The following TMPRSS11E variants were observed in gnomAD, a reference collection of about 807,000 sequenced individuals.
TMPRSS11E encodes transmembrane protease serine 11E.
A neutral mutation model predicts 48.1 loss-of-function variants in TMPRSS11E; 38 were observed. The observed-to-expected ratio is 0.79, with a 90% CI of 0.61 to 1.04. The LOEUF (loss-of-function observed/expected upper bound fraction) is 1.04. Ranked by LOEUF, TMPRSS11E falls within the 50% of genes least tolerant of loss-of-function variation. The pLI, the probability that TMPRSS11E is intolerant of heterozygous loss-of-function variation, is 0.00. For synonymous variants in TMPRSS11E, 158 were observed against 171.9 expected (o/e 0.92, Z 0.63); for missense variants, 530 against 510.8 (o/e 1.04, Z -0.36).
intron 9 of TMPRSS11E, among the ~76,000 whole-genome samples, chr4:68,482,724 A>G (rs1729443633): frequency 6.6e-6 from 1 of 151,448 alleles, no homozygotes; most frequent in South Asian, 2.1e-4. Flanking sequence ...TTGAGCTGTG[A>G]TCGCACCACT....
chr4:68,476,225 G>A (rs367568521), intron 6 of TMPRSS11E, 36 bp from the exon 7 acceptor site: 25 of 1,612,336 alleles, frequency 1.6e-5, no homozygotes, highest in Non-Finnish European at 1.9e-5. Flanking sequence ...GCTAATTAAT[G>A]CACCCACCAA....
At chr4:68,452,620 A>G (rs1187805501) in intron 1 of TMPRSS11E, among the ~76,000 whole-genome samples, 3 of 152,000 alleles carry the variant, frequency 2.0e-5, no homozygotes, top group Non-Finnish European at 4.4e-5. Context: ...GGCTTCTGCC[A>G]GGTCATGATT....
In TMPRSS11E at chr4:68,477,378, C is replaced by T. The variant is rs756240967; in HGVS notation, c.717C>T (p.Asn239=). ...SAAHCFTTYK[N]PARWTASFGV... The stretch of plus-strand genomic sequence containing the variant: ...ATTTTTTTCTCCCCAGATATAAGAA[C>T]CCTGCCAGATGGACTGCTTCCTTTG... Residue 239 remains asparagine (N), a synonymous_variant, in exon 8 of 10, where the codon AAC becomes AAT. Transcript: ENST00000305363. The T allele has an allele frequency of 1.2e-6, 2 of 1,611,780 alleles. No homozygotes were observed. The highest frequency in any genetic ancestry group is 2.2e-5 in the East Asian group (1 of 44,846).
chr4:68,488,573 C>A lies in TMPRSS11E; in HGVS notation c.1111-8070C>A, dbSNP rs769852307. ...TCTTCTTTTCTCTCAGAGTCTCACT[C>A]GGTTGCCCAGGCTGGAGTGCAGTGG... On this transcript the variant is annotated intron_variant, in intron 9 of 9. Coordinates refer to ENST00000305363, the MANE Select transcript of TMPRSS11E (RefSeq NM_014058.4). 2.2e-4 allele frequency among the ~76,000 whole-genome samples: 33 copies of A among 152,184 alleles called. 1 individual carries two copies. The highest frequency in any genetic ancestry group is 2.7e-4 in the African/African-American group (11 of 41,508).
chr4:68,449,393 C>T (rs1728433472), intron 1 of TMPRSS11E, among the ~76,000 whole-genome samples: 2 of 151,594 alleles, frequency 1.3e-5, no homozygotes, highest in East Asian at 1.9e-4. Context: ...TATTTATCAG[C>T]AACCACTGAG....
At chr4:68,495,249 T>A (rs1729834078) in intron 9 of TMPRSS11E, among the ~76,000 whole-genome samples, 1 of 152,070 alleles carries the variant, frequency 6.6e-6, no homozygotes, top group African/African-American at 2.4e-5. Flanking sequence ...GCTATTTATA[T>A]ACTATTATTT....
intron 9 of TMPRSS11E, among the ~76,000 whole-genome samples, chr4:68,487,334 C>A (rs2603161): frequency 0.66 from 100,112 of 151,430 alleles, 33,479 homozygotes; most frequent in East Asian, 0.87. Flanking sequence ...CTCACTACAT[C>A]CTCTACCTCC....
At position 68,478,966 on chromosome 4, in the gene TMPRSS11E, T is replaced by C. The variant is rs762310072; in HGVS notation, c.1085T>C (p.Leu362Ser). The C allele has an allele frequency of 1.2e-6, 2 of 1,613,902 alleles. No individual in the cohort carries two copies. The highest frequency in any genetic ancestry group is 1.7e-6 in the Non-Finnish European group (2 of 1,179,944). Residue 362 changes from leucine to serine, a missense_variant, in exon 9 of 10, where the codon TTA (leucine) becomes TCA (serine). By Grantham distance (145) the Leu-to-Ser change is moderately radical (BLOSUM62 -2). Coordinates refer to ENST00000305363, the MANE Select transcript of TMPRSS11E (RefSeq NM_014058.4). ...CCTAGAATGTTATGTGCTGGCTCCTTAGAAGGAAAAACAGATGCATGCCAG... is the reference window on the plus strand; with the variant it reads ...CCTAGAATGTTATGTGCTGGCTCCTCAGAAGGAAAAACAGATGCATGCCAG... ...ITPRMLCAGS[L>S]EGKTDACQGD...
At chr4:68,464,031 C>A (rs1728864975) in intron 2 of TMPRSS11E, among the ~76,000 whole-genome samples, 1 of 152,146 alleles carries the variant, frequency 6.6e-6, no homozygotes, top group Admixed American at 6.5e-5. Flanking sequence ...TTTTCAGTAA[C>A]CTGTTCCTGA....
intron 6 of TMPRSS11E, among the ~76,000 whole-genome samples, chr4:68,475,558 G>A (rs1047456661): frequency 1.3e-5 from 2 of 152,170 alleles, no homozygotes; most frequent in Non-Finnish European, 2.9e-5. Context: ...TGCTAGCACT[G>A]TGTTAGACAA....
chr4:68,462,566 G>A (rs779218259), intron 2 of TMPRSS11E, among the ~76,000 whole-genome samples: 1 of 147,230 alleles, frequency 6.8e-6, no homozygotes, highest in Non-Finnish European at 1.5e-5. Context: ...CTGGGCAAGA[G>A]AGAGAGACTC....
At chr4:68,476,601 A>G (rs1470301064) in intron 7 of TMPRSS11E, among the ~76,000 whole-genome samples, 163 bp downstream of exon 7, 1 of 152,218 alleles carries the variant, frequency 6.6e-6, no homozygotes, top group South Asian at 2.1e-4. Flanking sequence ...AAGAGGTTTT[A>G]AAGTCTGGAA....
At chr4:68,493,217 C>A (rs1323057390) in intron 9 of TMPRSS11E, among the ~76,000 whole-genome samples, 1 of 152,004 alleles carries the variant, frequency 6.6e-6, no homozygotes, top group African/African-American at 2.4e-5. Context: ...TCATGGCCAA[C>A]CTTACGTTAT....
At chr4:68,487,847 A>G (rs1729602774) in intron 9 of TMPRSS11E, among the ~76,000 whole-genome samples, 1 of 149,400 alleles carries the variant, frequency 6.7e-6, no homozygotes, top group South Asian at 2.1e-4. Context: ...AGGCTGAGGC[A>G]GGAGAATTGC....
In TMPRSS11E at chr4:68,476,266, G is replaced by A. The variant is rs149361074; in HGVS notation, c.535G>A (p.Gly179Arg). Residue 179 changes from glycine to arginine, a missense_variant, in exon 7 of 10, where the codon GGA becomes AGA. By Grantham distance (125) the Gly-to-Arg change is moderately radical (BLOSUM62 -2). Coordinates refer to ENST00000305363, the MANE Select transcript of TMPRSS11E (RefSeq NM_014058.4). ...CCCCCCTCTCTCTTTTGCAGGCTGCGGAACACGAAGAAGTAAAACTCTAGG... is the reference window on the plus strand; with the variant it reads ...CCCCCCTCTCTCTTTTGCAGGCTGCAGAACACGAAGAAGTAAAACTCTAGG... ...ETDSYLNHCC[G>R]TRRSKTLGQS... 19 of 1,613,820 alleles carry A rather than the reference G, an allele frequency of 1.2e-5. No homozygotes were observed. Among genetic ancestry groups the A allele is most frequent in the South Asian group, 6.6e-5 (6 of 91,070 alleles).
At chr4:68,463,773 T>TA (rs2109676762) in intron 2 of TMPRSS11E, among the ~76,000 whole-genome samples, 1 of 152,316 alleles carries the variant, frequency 6.6e-6, no homozygotes, top group African/African-American at 2.4e-5. Context: ...TCTTGGCACA[T>TA]GTTATGTGCT....
At chr4:68,468,415 G>A (rs896708927) in intron 3 of TMPRSS11E, among the ~76,000 whole-genome samples, 3 of 152,046 alleles carry the variant, frequency 2.0e-5, no homozygotes, top group Non-Finnish European at 4.4e-5. Context: ...GCTGAACTTC[G>A]TGTACATTAT....
At chr4:68,468,369 C>T (rs1447185572) in intron 3 of TMPRSS11E, among the ~76,000 whole-genome samples, 1 of 151,992 alleles carries the variant, frequency 6.6e-6, no homozygotes, top group African/African-American at 2.4e-5. Flanking sequence ...GCTAAGTATC[C>T]CAGTTCACCT....
intron 9 of TMPRSS11E, among the ~76,000 whole-genome samples, chr4:68,490,421 C>A (rs1299753568): frequency 6.6e-6 from 1 of 152,070 alleles, no homozygotes; most frequent in African/African-American, 2.4e-5. Context: ...TTTAACCATG[C>A]CTCAGCAGAC....
Sources: gnomAD v4.1 joint callset for allele counts (sites outside exome capture counted in the v4.1 genomes callset) on GRCh38, gnomAD v4.1.1 for gene constraint, MANE v1.5 for transcripts, NCBI Gene and HGNC (gene_info 2026-07-23, HGNC 2026-07-21) for gene names.